Variants in RABGEF1 observed in about 807,000 individuals in gnomAD.
The protein encoded by RABGEF1 is rab5 GDP/GTP exchange factor.
In RABGEF1, 26 loss-of-function variants were observed where a neutral mutation model predicts 57.3. That is an observed-to-expected ratio of 0.45 (90% confidence interval 0.33 to 0.63). The LOEUF is 0.63. Ranked by LOEUF, RABGEF1 falls within the 20% of genes least tolerant of loss-of-function variation. The pLI, the probability that RABGEF1 is intolerant of heterozygous loss-of-function variation, is 0.02. For synonymous variants in RABGEF1, 185 were observed against 210.7 expected (o/e 0.88, Z 1.06); for missense variants, 464 against 607.6 (o/e 0.76, Z 2.48).
chr7:66,798,031 G>C (rs750851811), intron 6 of RABGEF1, among the ~76,000 whole-genome samples: 1 of 152,130 alleles, frequency 6.6e-6, no homozygotes, highest in Non-Finnish European at 1.5e-5. Flanking sequence ...GCACGAGAAT[G>C]GCTTGAATCC....
intron 1 of RABGEF1, among the ~76,000 whole-genome samples, chr7:66,744,284 G>A (rs746827902): frequency 1.3e-5 from 2 of 151,150 alleles, no homozygotes; most frequent in Non-Finnish European, 2.9e-5. Flanking sequence ...TGTAATCCTC[G>A]CACTTTGGGA....
At chr7:66,750,626 A>G (rs965441186) in intron 1 of RABGEF1, among the ~76,000 whole-genome samples, 11 of 152,238 alleles carry the variant, frequency 7.2e-5, no homozygotes, top group Non-Finnish European at 1.2e-4. Context: ...ATATTGGTAC[A>G]TTTAAATATA....
intron 1 of RABGEF1, among the ~76,000 whole-genome samples, chr7:66,709,014 T>C (rs929928765): frequency 1.4e-5 from 2 of 146,842 alleles, no homozygotes; most frequent in Non-Finnish European, 3.0e-5. Flanking sequence ...CTTATTTTAA[T>C]TTTTTTTTTT....
chr7:66,800,428 G>A (rs147413605), intron 7 of RABGEF1, among the ~76,000 whole-genome samples: 181 of 152,210 alleles, frequency 1.2e-3, no homozygotes, highest in Non-Finnish European at 2.1e-3. Flanking sequence ...TTATCTTCCC[G>A]TGTCAACTCC....
chr7:66,662,746 C>T, the RABGEF1 span, among the ~76,000 whole-genome samples: 2 of 151,848 alleles, frequency 1.3e-5, no homozygotes, highest in Non-Finnish European at 1.5e-5. Context: ...AGTGTGCAGG[C>T]ACGTGTGTGC....
Position 66,775,329 on chromosome 7 carries a change from G to A in RABGEF1, c.282G>A (p.Lys94=), listed in dbSNP as rs1441456284. The A allele has an allele frequency of 5.0e-6, 8 of 1,613,860 alleles. No individual in the cohort carries two copies. The Admixed American group carries it at 5.0e-5, about 10-fold the overall frequency. The change falls in exon 3 of 9, where the codon AAG becomes AAA. Residue 94 remains lysine, a synonymous_variant. Transcript: ENST00000284957. ...SKFEEKKTNE[K]TRKVTTVKKF... ...TTGAAGAAAAGAAAACCAACGAGAAGACCCGCAAGGTTACCACAGTGAAGA... is the reference window on the plus strand; with the variant it reads ...TTGAAGAAAAGAAAACCAACGAGAAAACCCGCAAGGTTACCACAGTGAAGA...
the RABGEF1 span, among the ~76,000 whole-genome samples, chr7:66,662,271 AG>A: frequency 6.6e-6 from 1 of 151,408 alleles, no homozygotes; most frequent in Admixed American, 6.6e-5. Flanking sequence ...GTTCAAGACC[AG>A]CCTGTGCAAC....
chr7:66,707,980 A>G (rs950304236), intron 1 of RABGEF1, among the ~76,000 whole-genome samples: 1 of 151,912 alleles, frequency 6.6e-6, no homozygotes, highest in Admixed American at 6.6e-5. Flanking sequence ...GCATCCTTTT[A>G]CTTTCAACCT....
chr7:66,714,238 C>T (rs1379842182), intron 2 of RABGEF1, among the ~76,000 whole-genome samples: 6 of 152,128 alleles, frequency 3.9e-5, no homozygotes, highest in South Asian at 2.1e-4. Context: ...AATTCAATTT[C>T]GTTAATAGTA....
intron 2 of RABGEF1, among the ~76,000 whole-genome samples, chr7:66,726,779 T>G (rs1402486420): frequency 6.6e-6 from 1 of 152,096 alleles, no homozygotes; most frequent in Non-Finnish European, 1.5e-5. Flanking sequence ...TGAGGTGGGC[T>G]GATCACTTAA....
chr7:66,699,248 G>A (rs1792842266), intron 1 of RABGEF1, among the ~76,000 whole-genome samples: 2 of 152,196 alleles, frequency 1.3e-5, no homozygotes, highest in African/African-American at 2.4e-5. Flanking sequence ...TGGGGGGCAC[G>A]GGGCATACAT....
intron 1 of RABGEF1, among the ~76,000 whole-genome samples, chr7:66,707,119 TC>T (rs1232764425): frequency 1.3e-5 from 2 of 152,256 alleles, no homozygotes; most frequent in Non-Finnish European, 2.9e-5. Flanking sequence ...TTGATTAGTT[TC>T]CACTTATTTG....
chr7:66,693,781 A>T (rs1791901180), intron 1 of RABGEF1, among the ~76,000 whole-genome samples: 1 of 149,710 alleles, frequency 6.7e-6, no homozygotes, highest in African/African-American at 2.5e-5. Context: ...GCATTCTTTC[A>T]TTTGTTCAGT....
intron 2 of RABGEF1, among the ~76,000 whole-genome samples, chr7:66,734,647 G>C (rs1225256120): frequency 1.3e-5 from 2 of 149,408 alleles, no homozygotes; most frequent in African/African-American, 4.9e-5. Flanking sequence ...TGGCCAGGCT[G>C]GTCTCGAACT....
chr7:66,661,821 A>G, the RABGEF1 span, among the ~76,000 whole-genome samples: 1 of 152,232 alleles, frequency 6.6e-6, no homozygotes, highest in South Asian at 2.1e-4. Context: ...CTACATGAAA[A>G]CAACTGACCA....
upstream of RABGEF1, among the ~76,000 whole-genome samples, chr7:66,678,469 G>A (rs1253437659): frequency 6.7e-6 from 1 of 150,108 alleles, no homozygotes; most frequent in Non-Finnish European, 1.5e-5. Context: ...GGAGGCTGAG[G>A]CAGGAGAATG....
intron 1 of RABGEF1, among the ~76,000 whole-genome samples, chr7:66,691,747 G>A (rs1791546915): frequency 6.6e-6 from 1 of 152,064 alleles, no homozygotes; most frequent in Non-Finnish European, 1.5e-5. Flanking sequence ...AGTGTTCTGA[G>A]CATGTTTAAG....
chr7:66,709,547 G>C (rs767319057), intron 1 of RABGEF1, among the ~76,000 whole-genome samples: 6 of 152,242 alleles, frequency 3.9e-5, no homozygotes, highest in Non-Finnish European at 7.4e-5. Flanking sequence ...CCAGCACTTT[G>C]TGAGTCCGAG....
the RABGEF1 span, among the ~76,000 whole-genome samples, chr7:66,658,406 G>A: frequency 7.2e-5 from 11 of 151,956 alleles, no homozygotes; most frequent in African/African-American, 2.4e-4. Context: ...GGTGGCAGGC[G>A]CCTGTAATCA....
Sources: allele counts gnomAD v4.1 joint callset (sites outside exome capture counted in the v4.1 genomes callset), GRCh38; gene constraint gnomAD v4.1.1; transcripts MANE v1.5; gene names NCBI Gene and HGNC (gene_info 2026-07-23, HGNC 2026-07-21).